ROBO2: variants seen among roughly 807,000 people sequenced by gnomAD.
ROBO2 encodes the protein roundabout homolog 2.
In ROBO2, 53 loss-of-function variants were observed where a neutral mutation model predicts 160.8. The ratio of observed to expected loss-of-function variants is 0.33; its 90% CI spans 0.26 to 0.41. The LOEUF (loss-of-function observed/expected upper bound fraction) is 0.41. Ranked by LOEUF, ROBO2 falls within the 10% of genes least tolerant of loss-of-function variation. ROBO2 has a pLI of 1.00. For synonymous variants in ROBO2, 664 were observed against 611.7 expected, an observed-to-expected ratio of 1.09 and a Z score of -1.26; for missense variants, 1,577 against 1,722.4, an observed-to-expected ratio of 0.92 and a Z score of 1.49.
At chr3:76,570,626 T>C (rs966457123) in intron 2 of ROBO2, among the ~76,000 whole-genome samples, 2 of 152,208 alleles carry the variant, frequency 1.3e-5, no homozygotes, top group African/African-American at 2.4e-5. Flanking sequence ...ATCTATTTGC[T>C]AAGCTTTTTT....
At chr3:76,836,123 A>AT in intron 2 of ROBO2, among the ~76,000 whole-genome samples, 1 of 152,018 alleles carries the variant, frequency 6.6e-6, no homozygotes, top group East Asian at 1.9e-4. Flanking sequence ...CATTCAGAAT[A>AT]TTTTTTATGA....
At chr3:76,570,660 T>C (rs966019584) in intron 2 of ROBO2, among the ~76,000 whole-genome samples, 7 of 152,172 alleles carry the variant, frequency 4.6e-5, no homozygotes, top group African/African-American at 1.7e-4. Context: ...ACTGTTCAAA[T>C]ATGAACATGC....
chr3:77,183,225 A>C (rs1006068956), intron 2 of ROBO2, among the ~76,000 whole-genome samples: 8 of 152,070 alleles, frequency 5.3e-5, no homozygotes. Flanking sequence ...AGCTTTAAAA[A>C]TTTCAGGAAA....
rs144574080 is a variant in ROBO2, at chr3:77,057,676, T to C, written c.61+16830T>C. Reference sequence around the variant, plus strand: ...ACCTCTGCCTCCTTGGTTCAAGTGATTCTCATGCTTCAGCCTCCCGAGTAG... The same window carrying C: ...ACCTCTGCCTCCTTGGTTCAAGTGACTCTCATGCTTCAGCCTCCCGAGTAG... On this transcript the variant is annotated intron_variant, in intron 1 of 25. Coordinates refer to ENST00000461745, the Ensembl canonical transcript of ROBO2. Among the ~76,000 whole-genome samples the C allele has an allele frequency of 5.2e-3, 780 of 149,298 alleles. 5 individuals carry two copies. Among genetic ancestry groups the C allele is most frequent in the African/African-American group, 0.018 (740 of 40,512 alleles).
At chr3:76,969,805 C>G (rs1180163740) in intron 2 of ROBO2, among the ~76,000 whole-genome samples, 1 of 151,626 alleles carries the variant, frequency 6.6e-6, no homozygotes, top group Non-Finnish European at 1.5e-5. Flanking sequence ...CAGAAGAGCT[C>G]TGTGTGTGTG....
Position 77,608,054 on chromosome 3 carries a change from C to T in ROBO2, c.3293+100C>T, listed in dbSNP as rs944578617. The T allele has an allele frequency of 1.4e-5, 15 of 1,082,698 alleles. 1 individual carries two copies. Among genetic ancestry groups the T allele is most frequent in the Middle Eastern group, 2.6e-4 (1 of 3,850 alleles). The allele number at this position is 1,082,698 out of a possible 1,614,324, so 67.1% of individuals were successfully genotyped here. ...TTATGTTCTCTCACTGTTTCCTTTG[C>T]CCCCCACCACCATGTTCATTGCATT... On this transcript the variant is annotated intron_variant, in intron 21 of 25. Transcript: ENST00000461745.
intron 1 of ROBO2, among the ~76,000 whole-genome samples, chr3:77,064,236 C>T (rs1559932895): frequency 6.6e-6 from 1 of 151,266 alleles, no homozygotes; most frequent in Non-Finnish European, 1.5e-5. Context: ...AAGGTGTAAA[C>T]ATTAGTTTAT....
chr3:76,349,078 C>T (rs2074713992), intron 2 of ROBO2, among the ~76,000 whole-genome samples: 1 of 152,016 alleles, frequency 6.6e-6, no homozygotes, highest in African/African-American at 2.4e-5. Flanking sequence ...GATCTCTGTT[C>T]CATTTGTAAG....
At chr3:75,948,906 A>G (rs1344438335) in intron 2 of ROBO2, among the ~76,000 whole-genome samples, 3 of 152,124 alleles carry the variant, frequency 2.0e-5, no homozygotes, top group African/African-American at 7.2e-5. Flanking sequence ...ATGTCTGGTT[A>G]ACATCTGTTA....
chr3:76,221,744 C>T (rs1199779675), intron 2 of ROBO2, among the ~76,000 whole-genome samples: 1 of 152,114 alleles, frequency 6.6e-6, no homozygotes, highest in East Asian at 1.9e-4. Flanking sequence ...TGACCATGAG[C>T]CCATTGCCAC....
At chr3:76,220,526 A>C (rs2107401165) in intron 2 of ROBO2, among the ~76,000 whole-genome samples, 1 of 152,208 alleles carries the variant, frequency 6.6e-6, no homozygotes, top group South Asian at 2.1e-4. Flanking sequence ...TGCAGCAAGA[A>C]GGCTTGCAAA....
At chr3:77,330,646 G>A (rs774502786) in intron 2 of ROBO2, among the ~76,000 whole-genome samples, 20 of 152,284 alleles carry the variant, frequency 1.3e-4, no homozygotes, top group African/African-American at 1.7e-4. Context: ...TTTGTGATGC[G>A]TCTTTAAGGG....
chr3:76,130,654 C>T (rs910568309), intron 2 of ROBO2, among the ~76,000 whole-genome samples: 2 of 151,952 alleles, frequency 1.3e-5, no homozygotes, highest in South Asian at 2.1e-4. Flanking sequence ...CATAAGCAGG[C>T]CACATAGCCA....
At chr3:76,251,768 A>G (rs1706018492) in intron 2 of ROBO2, among the ~76,000 whole-genome samples, 1 of 152,068 alleles carries the variant, frequency 6.6e-6, no homozygotes, top group African/African-American at 2.4e-5. Context: ...TAAAATCCTC[A>G]GTGGATGCTT....
At chr3:77,457,412 T>C (rs1308856102) in intron 2 of ROBO2, among the ~76,000 whole-genome samples, 2 of 152,192 alleles carry the variant, frequency 1.3e-5, no homozygotes, top group African/African-American at 4.8e-5. Flanking sequence ...TTAGTGTAAG[T>C]TTAAAATATA....
intron 2 of ROBO2, among the ~76,000 whole-genome samples, chr3:76,126,552 T>G (rs1266543644): frequency 1.3e-5 from 2 of 152,160 alleles, no homozygotes; most frequent in Non-Finnish European, 2.9e-5. Context: ...GAGCTTTGCT[T>G]CAAAACATGT....
At chr3:77,065,266 A>T (rs2066720685) in intron 1 of ROBO2, among the ~76,000 whole-genome samples, 1 of 152,206 alleles carries the variant, frequency 6.6e-6, no homozygotes, top group Non-Finnish European at 1.5e-5. Context: ...GACGTTTTAA[A>T]TAACAGAGTC....
intron 2 of ROBO2, among the ~76,000 whole-genome samples, chr3:77,464,454 G>A (rs1187860673): frequency 1.3e-5 from 2 of 152,132 alleles, no homozygotes; most frequent in African/African-American, 2.4e-5. Context: ...CTGAAGAAAG[G>A]CCTGAGGAAA....
At chr3:76,804,705 A>G (rs1346942541) in intron 2 of ROBO2, among the ~76,000 whole-genome samples, 1 of 152,210 alleles carries the variant, frequency 6.6e-6, no homozygotes, top group African/African-American at 2.4e-5. Flanking sequence ...GAGTATAATA[A>G]TAGTGCCAAC....
Sources: allele counts gnomAD v4.1 joint callset (sites outside exome capture counted in the v4.1 genomes callset), GRCh38; gene constraint gnomAD v4.1.1; transcripts MANE v1.5; gene names NCBI Gene and HGNC (gene_info 2026-07-23, HGNC 2026-07-21).